LAMA4: variants seen among roughly 807,000 people sequenced by gnomAD.
LAMA4 encodes the protein laminin subunit alpha-4.
Under a neutral mutation model 207.1 loss-of-function variants are expected in LAMA4, and 127 were observed. The ratio of observed to expected loss-of-function variants is 0.61; its 90% CI spans 0.53 to 0.71. The LOEUF is 0.71. LAMA4 is among the 30% of genes least tolerant of loss of function. The pLI is 0.00. For synonymous variants in LAMA4, 761 were observed against 816.0 expected (o/e 0.93, Z 1.15); for missense variants, 2,093 against 2,246.5 (o/e 0.93, Z 1.38).
chr6:112,111,969 C>T (rs1320891283), intron 38 of LAMA4, among the ~76,000 whole-genome samples: 4 of 151,964 alleles, frequency 2.6e-5, no homozygotes, highest in Non-Finnish European at 5.9e-5. Context: ...TAGTGAAGGA[C>T]AAATACTCCA....
intron 11 of LAMA4, among the ~76,000 whole-genome samples, chr6:112,174,343 C>T (rs1004952943): frequency 5.9e-5 from 9 of 152,362 alleles, no homozygotes; most frequent in South Asian, 4.1e-4. Flanking sequence ...CCAGCCTTCC[C>T]GGCCAGCCCC....
At chr6:112,225,539 T>A (rs76541015) in intron 2 of LAMA4, among the ~76,000 whole-genome samples, 1 of 152,198 alleles carries the variant, frequency 6.6e-6, no homozygotes. Flanking sequence ...TGTGCTATTA[T>A]CGTTTATTTC....
At position 112,129,928 on chromosome 6, in the gene LAMA4, T is replaced by A; in HGVS notation, c.4081A>T (p.Ser1361Cys). The A allele has an allele frequency of 6.2e-7, 1 of 1,612,952 alleles. No homozygotes were observed. The highest frequency in any genetic ancestry group is 8.5e-7 in the Non-Finnish European group (1 of 1,179,404). Residue 1361 changes from serine (S) to cysteine (C), a missense_variant, in exon 30 of 39, where the codon AGT (serine) becomes TGT (cysteine). Around this residue, in one of 3 missense-constraint regions of LAMA4, gnomAD observed 1,704 missense variants for 1,788.4 expected, o/e 0.95. Transcript: ENST00000230538. ...CCAGTGAAATTAGCATACTGAGCAC[T>A]GATTGGTGAGCCACCGAAGTAAAAC... The part of the protein sequence containing the change: ...KKFYFGGSPI[S>C]AQYANFTGCI...
chr6:112,181,779 T>C (rs1468930874), intron 9 of LAMA4, among the ~76,000 whole-genome samples: 2 of 152,152 alleles, frequency 1.3e-5, no homozygotes, highest in Non-Finnish European at 2.9e-5. Context: ...CCTTATTATA[T>C]TTCAGGATAC....
chr6:112,109,476 G>C lies in LAMA4; in HGVS notation c.5433C>G (p.Val1811=). The C allele has an allele frequency of 2.5e-6, 4 of 1,614,044 alleles. No individual in the cohort carries two copies. The highest frequency in any genetic ancestry group is 1.3e-5 in the African/African-American group (1 of 75,042). ...AGGAGTTGATGCTTACGGCGCCGCT[G>C]ACCAGGGCTGCTTTACTGAAGCTCA... is the stretch of plus-strand genomic sequence containing the variant. ...HPVSFSKAAL[V]SGAVSINSCP... The change falls in exon 39 of 39, where the codon GTC becomes GTG. Residue 1811 remains valine (V), a synonymous_variant. Coordinates refer to ENST00000230538, the MANE Select transcript of LAMA4 (RefSeq NM_001105206.3).
rs373382793 is a variant in LAMA4, at chr6:112,144,871, G to C, written c.2416C>G (p.Arg806Gly). ...CTGGCAGAAACGTTGCTTGCAGGTCGCTTCTGCTCAACCGTACGAAGCTGA... is the reference window on the plus strand; with the variant it reads ...CTGGCAGAAACGTTGCTTGCAGGTCCCTTCTGCTCAACCGTACGAAGCTGA... ...LDQLRTVEQK[R>G]PASNVSASIQ... Residue 806 changes from arginine to glycine, a missense_variant, in exon 19 of 39, where the codon CGA (arginine) becomes GGA (glycine). Coordinates refer to ENST00000230538, the MANE Select transcript of LAMA4 (RefSeq NM_001105206.3). 2 of 1,613,834 alleles carry C rather than the reference G, an allele frequency of 1.2e-6. No homozygotes were observed. The highest frequency in any genetic ancestry group is 1.7e-6 in the Non-Finnish European group (2 of 1,179,992).
chr6:112,158,505 C>A (rs2114795675), intron 14 of LAMA4, among the ~76,000 whole-genome samples: 1 of 152,122 alleles, frequency 6.6e-6, no homozygotes, highest in Non-Finnish European at 1.5e-5. Context: ...CTCCCCCAAA[C>A]AATTGCAATG....
At chr6:112,220,722 T>C (rs1784878652) in intron 2 of LAMA4, among the ~76,000 whole-genome samples, 1 of 152,210 alleles carries the variant, frequency 6.6e-6, no homozygotes, top group Admixed American at 6.5e-5. Context: ...ATACCAACAA[T>C]ACTGTCATTG....
rs531098001 is a variant in LAMA4 at position 112,246,551 on chromosome 6, C to T, written c.195+7405G>A. 4.8e-5 allele frequency among the ~76,000 whole-genome samples: 7 copies of T among 146,088 alleles called. No individual in the cohort carries two copies. The East Asian group carries it at 6.0e-4, about 13-fold the overall frequency. Reference sequence around the variant, plus strand: ...TTTTTTTTTTTTTGAGATAGAGTCTCGCTCTGTCGCCCAGGCTGGAGTGCA... The same window carrying T: ...TTTTTTTTTTTTTGAGATAGAGTCTTGCTCTGTCGCCCAGGCTGGAGTGCA... On this transcript the variant is annotated intron_variant, in intron 2 of 38. Coordinates refer to ENST00000230538, the MANE Select transcript of LAMA4 (RefSeq NM_001105206.3).
chr6:112,139,399 T>A, intron 23 of LAMA4, 108 bp from the exon 24 acceptor site: 1 of 1,199,194 alleles, frequency 8.3e-7, no homozygotes, highest in South Asian at 1.2e-5. Flanking sequence ...CCTTACAACA[T>A]TTAAATGAAG....
rs376662102 is a variant in LAMA4, at chr6:112,119,331, A to G, written c.4666-20T>C. 3 of 1,612,412 alleles carry G rather than the reference A, an allele frequency of 1.9e-6. No homozygotes were observed. The African/African-American group carries it at 4.0e-5, about 22-fold the overall frequency. ...TATCACCTGGATGAAGAGAAGGACA[A>G]TAGCACATCTCAGGTACATTCCAAG... On this transcript the variant is annotated intron_variant, in intron 33 of 38. Transcript: ENST00000230538.
chr6:112,133,584 A>G, intron 26 of LAMA4, 97 bp from the exon 27 acceptor site: 1 of 1,372,814 alleles, frequency 7.3e-7, no homozygotes, highest in South Asian at 1.2e-5. Flanking sequence ...AGTCATTTGT[A>G]ATGGCTTTAT....
In LAMA4 at chr6:112,131,084, G is replaced by C; in HGVS notation, c.3852C>G (p.Ile1284Met). ...YYASGSDVFS[I>M]SLDNGTVIMD... ...TGATGACAGTACCATTATCCAGTGA[G>C]ATGGAGAACACGTCTGACTGAAATG... The change falls in exon 29 of 39, where the codon ATC becomes ATG. Residue 1284 changes from isoleucine to methionine, a missense_variant. Around this residue, in one of 3 missense-constraint regions of LAMA4, gnomAD observed 1,704 missense variants for 1,788.4 expected, o/e 0.95. Transcript: ENST00000230538. The C allele has an allele frequency of 6.2e-7, 1 of 1,613,100 alleles. No homozygotes were observed. The highest frequency in any genetic ancestry group is 8.5e-7 in the Non-Finnish European group (1 of 1,179,192).
chr6:112,126,934 C>A (rs1554327851), intron 31 of LAMA4, among the ~76,000 whole-genome samples: 1 of 152,074 alleles, frequency 6.6e-6, no homozygotes, highest in African/African-American at 2.4e-5. Flanking sequence ...TTCCCTTGAG[C>A]CAAGCAATTT....
chr6:112,153,959 TAAAG>T (rs1554336271), intron 16 of LAMA4, among the ~76,000 whole-genome samples: 1 of 152,096 alleles, frequency 6.6e-6, no homozygotes, highest in Non-Finnish European at 1.5e-5. Flanking sequence ...TTGCAAAAGA[TAAAG>T]AAAATGCATG....
intron 12 of LAMA4, among the ~76,000 whole-genome samples, chr6:112,166,650 TA>T (rs1554340031): frequency 1.3e-5 from 2 of 152,206 alleles, no homozygotes; most frequent in Non-Finnish European, 2.9e-5. Context: ...TTATTTGCAG[TA>T]GATGAAAAAC....
At chr6:112,252,295 A>C (rs1554190027) in intron 2 of LAMA4, among the ~76,000 whole-genome samples, 2 of 152,224 alleles carry the variant, frequency 1.3e-5, no homozygotes, top group African/African-American at 4.8e-5. Flanking sequence ...GAAAACCTGC[A>C]ATCTGAAACA....
intron 1 of LAMA4, 26 bp downstream of exon 1, chr6:112,254,433 A>G: frequency 2.0e-6 from 1 of 496,788 alleles, no homozygotes; most frequent in Non-Finnish European, 3.7e-6. Context: ...TTCTGGCTCA[A>G]GAACCTACAG....
intron 5 of LAMA4, 125 bp downstream of exon 5, chr6:112,201,483 C>G: frequency 1.2e-6 from 1 of 854,194 alleles, no homozygotes; most frequent in Non-Finnish European, 2.0e-6. Context: ...GAAATGCAGT[C>G]CCTCAACCAC....
Sources: gnomAD v4.1 joint callset for allele counts (sites outside exome capture counted in the v4.1 genomes callset) on GRCh38, gnomAD v4.1.1 for gene constraint, gnomAD v4.1.1 regional missense constraint, MANE v1.5 for transcripts, NCBI Gene and HGNC (gene_info 2026-07-23, HGNC 2026-07-21) for gene names.